ABCA13: variants seen among roughly 807,000 people sequenced by gnomAD.
The protein encoded by ABCA13 is ATP binding cassette subfamily A member 13, also known as ATP-binding cassette sub-family A member 13.
ABCA13 carries 476 observed loss-of-function variants against 478.7 expected under a neutral mutation model. The observed-to-expected ratio is 0.99, with a 90% CI of 0.92 to 1.07. The LOEUF is 1.07. ABCA13 is among the 50% of genes least tolerant of loss of function. ABCA13 has a pLI of 0.00. For synonymous variants in ABCA13, 2,252 were observed against 2,158.9 expected (o/e 1.04, Z -1.20); for missense variants, 6,060 against 5,910.6 (o/e 1.03, Z -0.83).
intron 58 of ABCA13, among the ~76,000 whole-genome samples, chr7:48,612,454 A>T (rs758981163): frequency 6.6e-6 from 1 of 152,194 alleles, no homozygotes; most frequent in Non-Finnish European, 1.5e-5. Flanking sequence ...CATTTTTGAG[A>T]TATTGACAGT....
At position 48,372,347 on chromosome 7, in the gene ABCA13, C is replaced by T. The variant is rs1483759240; in HGVS notation, c.10983C>T (p.Val3661=). The change falls in exon 33 of 62, where the codon GTC becomes GTT. Residue 3661 remains valine, a synonymous_variant. Coordinates refer to ENST00000435803, the MANE Select transcript of ABCA13 (RefSeq NM_152701.5). ...FLFLLDFGMS[V]VMLSYLLSAF... ...TTCTCTTGGATTTTGGGATGTCAGT[C>T]GTCATGCTGAGCTACCTCTTGAGTG... 9 of 1,613,742 alleles carry T rather than the reference C, an allele frequency of 5.6e-6. No individual in the cohort carries two copies. The highest frequency in any genetic ancestry group is 5.9e-6 in the Non-Finnish European group (7 of 1,179,862).
chr7:48,264,684 CAGA>C (rs1794643351), intron 15 of ABCA13, among the ~76,000 whole-genome samples: 4 of 151,660 alleles, frequency 2.6e-5, no homozygotes, highest in Non-Finnish European at 5.9e-5. Context: ...AACTCTTTAT[CAGA>C]CATACGCTTT....
Position 48,398,110 on chromosome 7 carries a change from C to T in ABCA13, c.11874-5573C>T, listed in dbSNP as rs147978067. On this transcript the variant is annotated intron_variant, in intron 38 of 61. Transcript: ENST00000435803. ...GTCTTAAATTTGAGTGGGTACTTAA[C>T]GAGAAATAGCTAGGTATCTTATGGA... is the stretch of plus-strand genomic sequence containing the variant. Among the ~76,000 whole-genome samples the T allele has an allele frequency of 2.7e-3, 411 of 152,162 alleles. 2 individuals are homozygous for T. The highest frequency in any genetic ancestry group is 4.1e-3 in the Non-Finnish European group (281 of 67,998).
At chr7:48,563,925 C>G (rs1786748072) in intron 55 of ABCA13, among the ~76,000 whole-genome samples, 2 of 151,856 alleles carry the variant, frequency 1.3e-5, no homozygotes, top group South Asian at 4.2e-4. Context: ...AAATATAACT[C>G]TATATAATGC....
At chr7:48,545,638 A>G (rs1784752132) in intron 55 of ABCA13, among the ~76,000 whole-genome samples, 1 of 151,746 alleles carries the variant, frequency 6.6e-6, no homozygotes, top group Non-Finnish European at 1.5e-5. Flanking sequence ...TACTATATAG[A>G]TAAATTAATG....
rs1169631922 is a variant in ABCA13, at chr7:48,221,282, T to A, written c.441T>A (p.Asp147Glu). The change falls in exon 5 of 62, where the codon GAT (aspartate) becomes GAA (glutamate). Residue 147 changes from aspartate to glutamate, a missense_variant and splice_region_variant. By Grantham distance (45) the Asp-to-Glu change is conservative (BLOSUM62 2). Coordinates refer to ENST00000435803, the MANE Select transcript of ABCA13 (RefSeq NM_152701.5). ...TCTCTTAAACCTTCTTTATTATAGA[T>A]TCTTCTTATGGTTCCAGTTTTTTTA... ...RLWVERSNTP[D>E]SSYGSSFFTM... The A allele has an allele frequency of 8.6e-7, 1 of 1,168,478 alleles. No individual in the cohort carries two copies. Among genetic ancestry groups the A allele is most frequent in the East Asian group, 2.6e-5 (1 of 37,768 alleles). 72.4% of individuals were successfully genotyped at this position (1,168,478 alleles called of 1,614,324 possible).
chr7:48,182,921 G>T (rs1006085156), intron 1 of ABCA13, among the ~76,000 whole-genome samples: 1 of 152,128 alleles, frequency 6.6e-6, no homozygotes, highest in Non-Finnish European at 1.5e-5. Context: ...GTGTTTTCCT[G>T]CAGTGCTTAA....
chr7:48,383,450 T>C (rs1300658191), intron 35 of ABCA13, among the ~76,000 whole-genome samples: 6 of 152,218 alleles, frequency 3.9e-5, no homozygotes, highest in Admixed American at 2.0e-4. Context: ...ATCATATTTA[T>C]CTTTGTACGA....
rs2129010415 is a variant in ABCA13, at chr7:48,239,288, T to C, written c.945T>C (p.Ser315=). ...SLEKMVCSVL[S]STSEDEAEKW... The stretch of plus-strand genomic sequence containing the variant: ...AGAAGATGGTGTGTTCAGTCTTGTC[T>C]AGCACATCAGAGGATGAAGCTGAGA... Residue 315 remains serine (S), a synonymous_variant, in exon 9 of 62, where the codon TCT becomes TCC. Coordinates refer to ENST00000435803, the MANE Select transcript of ABCA13 (RefSeq NM_152701.5). The C allele has an allele frequency of 6.2e-7, 1 of 1,614,022 alleles. No individual in the cohort carries two copies. The highest frequency in any genetic ancestry group is 8.5e-7 in the Non-Finnish European group (1 of 1,179,870).
intron 44 of ABCA13, 85 bp from the exon 45 acceptor site, chr7:48,471,445 C>T (rs1827483370): frequency 1.6e-6 from 2 of 1,235,302 alleles, no homozygotes; most frequent in African/African-American, 1.5e-5. Context: ...GAACTCTGTT[C>T]TAGTCTGATG....
chr7:48,391,566 T>C (rs1816051818), intron 37 of ABCA13, among the ~76,000 whole-genome samples: 1 of 152,214 alleles, frequency 6.6e-6, no homozygotes, highest in South Asian at 2.1e-4. Context: ...ATGTTTTGGG[T>C]ACACTTAAGG....
intron 39 of ABCA13, 158 bp downstream of exon 39, chr7:48,404,037 G>C: frequency 2.4e-6 from 2 of 838,450 alleles, no homozygotes. Context: ...GGATATATTC[G>C]TTAGATAACA....
intron 51 of ABCA13, among the ~76,000 whole-genome samples, chr7:48,515,914 AGGTT>A (rs1187566462): frequency 2.0e-5 from 3 of 152,084 alleles, no homozygotes; most frequent in African/African-American, 7.2e-5. Context: ...TGGAGAAGAG[AGGTT>A]GGAGAAGTCA....
chr7:48,482,179 T>A (rs986249958), intron 46 of ABCA13, among the ~76,000 whole-genome samples: 1 of 151,726 alleles, frequency 6.6e-6, no homozygotes, highest in African/African-American at 2.4e-5. Context: ...AACCAGCAAA[T>A]AGACAATAAA....
At chr7:48,488,222 T>C (rs2362312) in intron 47 of ABCA13, among the ~76,000 whole-genome samples, 5 of 151,908 alleles carry the variant, frequency 3.3e-5, no homozygotes, top group Admixed American at 3.3e-4. Flanking sequence ...CATTGTCTTG[T>C]GTAGTAGGGT....
At position 48,279,800 on chromosome 7, in the gene ABCA13, C is replaced by T. The variant is rs1269533180; in HGVS notation, c.8606C>T (p.Thr2869Ile). 1 of 1,601,942 alleles carries T rather than the reference C, an allele frequency of 6.2e-7. No individual in the cohort carries two copies. Among genetic ancestry groups the T allele is most frequent in the Non-Finnish European group, 8.5e-7 (1 of 1,176,584 alleles). The change falls in exon 18 of 62, where the codon ACC becomes ATC. Residue 2869 changes from threonine to isoleucine, a missense_variant. By Grantham distance (89) the Thr-to-Ile change is moderately conservative. This residue lies in a region of ABCA13 where 4,423 missense variants were observed against 4,309.1 expected (regional missense o/e 1.03). Transcript: ENST00000435803. ...GTCACATCAGAAAAAGAAGAGAGAACCAAGAAAGAGATGATTGACTTTCCT... is the reference window on the plus strand; with the variant it reads ...GTCACATCAGAAAAAGAAGAGAGAATCAAGAAAGAGATGATTGACTTTCCT... ...KNVTSEKEER[T>I]KKEMIDFPYS...
chr7:48,600,108 G>A (rs1338266399), intron 58 of ABCA13, among the ~76,000 whole-genome samples: 1 of 152,020 alleles, frequency 6.6e-6, no homozygotes, highest in Non-Finnish European at 1.5e-5. Flanking sequence ...GTGTAGTTAG[G>A]TGAATATGCA....
chr7:48,388,904 A>G (rs1406862851), intron 36 of ABCA13, 136 bp from the exon 37 acceptor site: 1 of 987,046 alleles, frequency 1.0e-6, no homozygotes, highest in Non-Finnish European at 1.5e-6. Context: ...CTTGCTAAAG[A>G]AAGATTTTTG....
At chr7:48,288,133 C>T (rs1798020557) in intron 20 of ABCA13, 55 bp downstream of exon 20, 2 of 1,463,072 alleles carry the variant, frequency 1.4e-6, no homozygotes, top group Admixed American at 1.7e-5. Context: ...TTGGCCCTTG[C>T]AAGGCAGTCC....
Sources: allele counts gnomAD v4.1 joint callset (sites outside exome capture counted in the v4.1 genomes callset), GRCh38; gene constraint gnomAD v4.1.1; regional missense constraint gnomAD v4.1.1; transcripts MANE v1.5; gene names NCBI Gene and HGNC (gene_info 2026-07-23, HGNC 2026-07-21).